Variants in ALOX5AP observed in about 807,000 individuals in gnomAD.
The protein encoded by ALOX5AP is arachidonate 5-lipoxygenase-activating protein.
In ALOX5AP, 9 loss-of-function variants were observed where a neutral mutation model predicts 18.5. The observed-to-expected ratio is 0.49, with a 90% CI of 0.29 to 0.85. The LOEUF is 0.85. Among genes scored for constraint, ALOX5AP ranks in the 40% least tolerant of loss-of-function variants. The pLI is 0.08. For synonymous variants in ALOX5AP, 81 were observed against 78.6 expected (o/e 1.03, Z -0.16); for missense variants, 172 against 202.5 (o/e 0.85, Z 0.91).
At chr13:30,734,801 A>T (rs1439557247), upstream of ALOX5AP, among the ~76,000 whole-genome samples, 3 of 152,048 alleles carry the variant, frequency 2.0e-5, no homozygotes, top group Non-Finnish European at 4.4e-5. Context: ...AATTCCCTTT[A>T]TTACTTTTCT....
intron 1 of ALOX5AP, among the ~76,000 whole-genome samples, chr13:30,714,063 G>A (rs897350608): frequency 1.1e-4 from 17 of 152,234 alleles, no homozygotes; most frequent in African/African-American, 4.1e-4. Flanking sequence ...GAATTATGGT[G>A]TCAGACTCCT....
At chr13:30,735,778 C>A (rs1371489574) in intron 1 of ALOX5AP, 103 bp downstream of exon 1, 3 of 1,280,180 alleles carry the variant, frequency 2.3e-6, no homozygotes, top group East Asian at 2.4e-5. Context: ...TGCGCATGCA[C>A]AAACACTTTT....
upstream of ALOX5AP, chr13:30,735,517 A>G: frequency 6.3e-7 from 1 of 1,586,928 alleles, no homozygotes; most frequent in South Asian, 1.1e-5. Context: ...TAATGATGAA[A>G]GAGTGCAAGC....
At chr13:30,733,426 G>C (rs908408851), upstream of ALOX5AP, among the ~76,000 whole-genome samples, 1 of 152,190 alleles carries the variant, frequency 6.6e-6, no homozygotes. Context: ...GCTTTATGGG[G>C]TTCAAACTCC....
chr13:30,726,880 A>G (rs951297465), intron 1 of ALOX5AP, among the ~76,000 whole-genome samples: 1 of 152,004 alleles, frequency 6.6e-6, no homozygotes, highest in African/African-American at 2.4e-5. Flanking sequence ...ATACAACATA[A>G]TATGTGTTAA....
chr13:30,741,589 A>T (rs1292121113), intron 1 of ALOX5AP, among the ~76,000 whole-genome samples: 1 of 108,302 alleles, frequency 9.2e-6, no homozygotes, highest in Non-Finnish European at 1.7e-5. Context: ...TTGTATTTTT[A>T]GTAGAGATGG....
chr13:30,748,540 T>C (rs1342106515), intron 2 of ALOX5AP, among the ~76,000 whole-genome samples: 1 of 152,170 alleles, frequency 6.6e-6, no homozygotes, highest in Non-Finnish European at 1.5e-5. Flanking sequence ...CCTCAAGGAA[T>C]GAGACTCAAA....
At chr13:30,733,938 C>T (rs1444361899), upstream of ALOX5AP, among the ~76,000 whole-genome samples, 6 of 152,144 alleles carry the variant, frequency 3.9e-5, no homozygotes, top group African/African-American at 1.4e-4. Context: ...TGGATTCAGA[C>T]TGGGTCTTGC....
intron 1 of ALOX5AP, among the ~76,000 whole-genome samples, chr13:30,729,303 C>A (rs930658752): frequency 2.0e-5 from 3 of 152,116 alleles, no homozygotes; most frequent in Non-Finnish European, 2.9e-5. Context: ...TTTCTAGTTA[C>A]AATTTGTGTG....
chr13:30,735,817 T>C, intron 1 of ALOX5AP, 142 bp downstream of exon 1: 4 of 1,053,552 alleles, frequency 3.8e-6, no homozygotes, highest in East Asian at 5.2e-5. Flanking sequence ...TCTTTTTATT[T>C]GAATGTATAG....
At chr13:30,735,918 G>C (rs981348916) in intron 1 of ALOX5AP, among the ~76,000 whole-genome samples, 1 of 152,130 alleles carries the variant, frequency 6.6e-6, no homozygotes, top group Non-Finnish European at 1.5e-5. Flanking sequence ...TAGAGCCAGG[G>C]CTGCAACTTG....
intron 1 of ALOX5AP, among the ~76,000 whole-genome samples, chr13:30,728,859 AAC>A (rs1951658501): frequency 6.6e-6 from 1 of 152,210 alleles, no homozygotes; most frequent in Non-Finnish European, 1.5e-5. Context: ...CTAAAAAACA[AAC>A]AAACAAAAAA....
intron 1 of ALOX5AP, chr13:30,713,895 T>TG: frequency 6.6e-7 from 1 of 1,517,746 alleles, no homozygotes; most frequent in Non-Finnish European, 8.8e-7. Flanking sequence ...CTACCATGCC[T>TG]CCTACAAATT....
Position 30,735,615 on chromosome 13 carries a change from G to C in ALOX5AP, c.10G>C (p.Glu4Gln). MDQ[E>Q]TVGNVVLLAI... ...GGAGCCTGAAGCAAACATGGATCAA[G>C]AAACTGTAGGCAATGTTGTCCTGTT... The change falls in exon 1 of 5, where the codon GAA becomes CAA. Residue 4 changes from glutamate to glutamine, a missense_variant. Glu to Gln is a conservative substitution (Grantham distance 29). Coordinates refer to ENST00000380490, the MANE Select transcript of ALOX5AP (RefSeq NM_001629.4). 1.2e-6 allele frequency: 2 copies of C among 1,614,170 alleles called. No homozygotes were observed. Among genetic ancestry groups the C allele is most frequent in the Non-Finnish European group, 8.5e-7 (1 of 1,180,032 alleles).
In ALOX5AP at chr13:30,763,547, G is replaced by A. The variant is rs143737375; in HGVS notation, c.324-397G>A. On this transcript the variant is annotated intron_variant, in intron 4 of 4. Transcript: ENST00000380490. ...TCTAACACAGTCCTGCATTACACAC[G>A]TGTCTGTCGTTATGGGCAGCTGCAG... Among the ~76,000 whole-genome samples the A allele has an allele frequency of 2.1e-3, 322 of 152,222 alleles. 4 individuals are homozygous for A. The highest frequency in any genetic ancestry group is 7.6e-3 in the African/African-American group (314 of 41,542).
At chr13:30,753,663 C>T (rs1216488606) in intron 3 of ALOX5AP, among the ~76,000 whole-genome samples, 2 of 152,088 alleles carry the variant, frequency 1.3e-5, no homozygotes, top group Non-Finnish European at 2.9e-5. Context: ...AGCTCAAGTC[C>T]CAGAGGAACA....
intron 1 of ALOX5AP, among the ~76,000 whole-genome samples, chr13:30,718,296 A>C (rs1389393345): frequency 6.6e-6 from 1 of 151,716 alleles, no homozygotes; most frequent in Non-Finnish European, 1.5e-5. Flanking sequence ...CTGAGGTCTA[A>C]CACACTCAAC....
At chr13:30,741,793 A>G (rs1951767604) in intron 1 of ALOX5AP, among the ~76,000 whole-genome samples, 1 of 151,484 alleles carries the variant, frequency 6.6e-6, no homozygotes, top group South Asian at 2.1e-4. Flanking sequence ...AACAAGAAAA[A>G]AAATCTGTAC....
At chr13:30,713,961 C>T in intron 1 of ALOX5AP, 3 of 1,074,896 alleles carry the variant, frequency 2.8e-6, no homozygotes, top group Non-Finnish European at 3.9e-6. Context: ...CTCCCAGAAG[C>T]AGTATTGGGC....
Sources: allele counts gnomAD v4.1 joint callset (sites outside exome capture counted in the v4.1 genomes callset), GRCh38; gene constraint gnomAD v4.1.1; transcripts MANE v1.5; gene names NCBI Gene and HGNC (gene_info 2026-07-23, HGNC 2026-07-21).